Variants in DLG2 observed in about 807,000 individuals in gnomAD.
DLG2 encodes the protein discs large MAGUK scaffold protein 2, also known as disks large homolog 2.
DLG2 carries 45 observed loss-of-function variants against 132.5 expected under a neutral mutation model. The ratio of observed to expected loss-of-function variants is 0.34; its 90% CI spans 0.27 to 0.44. DLG2 has a LOEUF of 0.44. Ranked by LOEUF, DLG2 falls within the 20% of genes least tolerant of loss-of-function variation. The probability of loss-of-function intolerance (pLI) is 1.00; values close to 1 mark genes in which losing one functional copy is unlikely to be tolerated. For synonymous variants in DLG2, 424 were observed against 419.6 expected, an observed-to-expected ratio of 1.01 and a Z score of -0.13; for missense variants, 1,045 against 1,196.9, an observed-to-expected ratio of 0.87 and a Z score of 1.87.
chr11:84,082,250 T>TAAATGAAATAA (rs2096915795), intron 10 of DLG2, among the ~76,000 whole-genome samples: 2 of 152,270 alleles, frequency 1.3e-5, no homozygotes, highest in African/African-American at 4.8e-5. Context: ...ATGCCTGTGT[T>TAAATGAAATAA]ATGGTATTAA....
chr11:84,777,610 T>G (rs1212484843), intron 6 of DLG2, among the ~76,000 whole-genome samples: 4 of 151,692 alleles, frequency 2.6e-5, no homozygotes, highest in Non-Finnish European at 5.9e-5. Flanking sequence ...TCACCAACAT[T>G]TGTTATTTTA....
At chr11:85,544,460 G>C (rs1345176415) in intron 3 of DLG2, among the ~76,000 whole-genome samples, 20 of 152,172 alleles carry the variant, frequency 1.3e-4, no homozygotes, top group Admixed American at 1.1e-3. Flanking sequence ...GCTTAGGATT[G>C]TCTTGGTTTT....
chr11:84,028,221 T>C (rs559497407), intron 11 of DLG2, among the ~76,000 whole-genome samples: 70 of 152,206 alleles, frequency 4.6e-4, no homozygotes, highest in South Asian at 3.9e-3. Context: ...ACTCTGATCA[T>C]GACATAGAGA....
chr11:84,187,690 G>T (rs2096305665), intron 8 of DLG2, among the ~76,000 whole-genome samples: 1 of 151,888 alleles, frequency 6.6e-6, no homozygotes, highest in African/African-American at 2.4e-5. Context: ...CAGGATTTTA[G>T]GATAAAAAAA....
chr11:84,248,841 T>C (rs779430814), intron 8 of DLG2, among the ~76,000 whole-genome samples: 10 of 152,080 alleles, frequency 6.6e-5, no homozygotes, highest in South Asian at 4.1e-4. Flanking sequence ...CCATTTGTAC[T>C]CCAGCCTGGG....
chr11:84,359,735 T>C (rs527728970), intron 7 of DLG2, among the ~76,000 whole-genome samples: 2 of 151,602 alleles, frequency 1.3e-5, no homozygotes, highest in Admixed American at 6.6e-5. Context: ...TAAAATGTCA[T>C]CCTTTCTTCT....
chr11:83,557,725 C>T (rs1163682799), intron 19 of DLG2, among the ~76,000 whole-genome samples: 2 of 152,012 alleles, frequency 1.3e-5, no homozygotes, highest in African/African-American at 2.4e-5. Context: ...ATCAAATCTG[C>T]CAAAAAGAAA....
At chr11:84,714,595 T>C (rs201389042) in intron 6 of DLG2, among the ~76,000 whole-genome samples, 184 of 103,866 alleles carry the variant, frequency 1.8e-3, no homozygotes, top group East Asian at 3.8e-3. Context: ...CTCTTTCTCT[T>C]TCTTTCTCTT....
intron 6 of DLG2, among the ~76,000 whole-genome samples, chr11:84,907,176 C>G (rs2091607428): frequency 6.6e-6 from 1 of 152,128 alleles, no homozygotes; most frequent in Non-Finnish European, 1.5e-5. Context: ...CCCTGACTGA[C>G]AAGTCCGACT....
chr11:83,960,953 T>G (rs1375865356), intron 14 of DLG2, among the ~76,000 whole-genome samples: 3 of 151,894 alleles, frequency 2.0e-5, no homozygotes, highest in East Asian at 3.9e-4. Context: ...GAAATACTAG[T>G]GAGACTGTCC....
intron 15 of DLG2, among the ~76,000 whole-genome samples, chr11:83,887,010 T>C (rs891063927): frequency 5.3e-5 from 8 of 152,020 alleles, no homozygotes; most frequent in Middle Eastern, 6.8e-3. Context: ...AGATCCAAAA[T>C]TGACACCCTA....
At chr11:84,148,150 T>G (rs2095156938) in intron 9 of DLG2, among the ~76,000 whole-genome samples, 1 of 151,710 alleles carries the variant, frequency 6.6e-6, no homozygotes, top group Non-Finnish European at 1.5e-5. Context: ...TACTTTTTGT[T>G]TTATAATAAA....
At chr11:84,683,489 T>C (rs1462141814) in intron 6 of DLG2, among the ~76,000 whole-genome samples, 3 of 152,134 alleles carry the variant, frequency 2.0e-5, no homozygotes, top group African/African-American at 7.2e-5. Flanking sequence ...CAAAACCAAG[T>C]ACTATAAGTT....
intron 18 of DLG2, among the ~76,000 whole-genome samples, chr11:83,721,959 T>G (rs2088703909): frequency 6.6e-6 from 1 of 152,234 alleles, no homozygotes; most frequent in East Asian, 1.9e-4. Flanking sequence ...TAGAAAAAAG[T>G]GTGACAGTTT....
At chr11:85,607,499 A>T (rs904596326) in intron 2 of DLG2, among the ~76,000 whole-genome samples, 5 of 151,902 alleles carry the variant, frequency 3.3e-5, no homozygotes, top group African/African-American at 4.8e-5. Flanking sequence ...ACTTCCTCTC[A>T]CCTGTCTTCT....
chr11:84,532,712 G>T (rs530939927), intron 7 of DLG2, among the ~76,000 whole-genome samples: 79 of 152,236 alleles, frequency 5.2e-4, no homozygotes, highest in African/African-American at 1.9e-3. Flanking sequence ...ACCCAGGCTG[G>T]TCTTGAAGTC....
intron 17 of DLG2, among the ~76,000 whole-genome samples, chr11:83,812,811 G>A (rs1338066028): frequency 1.3e-5 from 2 of 152,248 alleles, no homozygotes; most frequent in East Asian, 1.9e-4. Context: ...TGTGGGAAAT[G>A]TACTTGAGGT....
chr11:85,249,270 T>C (rs1160545888), intron 4 of DLG2, among the ~76,000 whole-genome samples: 1 of 151,974 alleles, frequency 6.6e-6, no homozygotes. Flanking sequence ...TACATATTAA[T>C]CAACTACTAC....
chr11:85,033,078 T>C (rs915182473), intron 6 of DLG2, among the ~76,000 whole-genome samples: 1 of 152,214 alleles, frequency 6.6e-6, no homozygotes, highest in Non-Finnish European at 1.5e-5. Context: ...ATTATTTATA[T>C]GTGCTTTGGT....
Sources: allele counts gnomAD v4.1 joint callset (sites outside exome capture counted in the v4.1 genomes callset), GRCh38; gene constraint gnomAD v4.1.1; transcripts MANE v1.5; gene names NCBI Gene and HGNC (gene_info 2026-07-23, HGNC 2026-07-21).